RNF175: variants seen among roughly 807,000 people sequenced by gnomAD.
RNF175 encodes the protein ring finger protein 175.
Under a neutral mutation model 50.0 loss-of-function variants are expected in RNF175, and 38 were observed. The observed-to-expected ratio is 0.76, with a 90% CI of 0.59 to 1.00. The LOEUF (loss-of-function observed/expected upper bound fraction) is 1.00. RNF175 is among the 50% of genes least tolerant of loss of function. The pLI is 0.00. For missense variants in RNF175, 388 were observed against 409.6 expected (o/e 0.95, Z 0.46); for synonymous variants, 155 against 146.1 (o/e 1.06, Z -0.44).
intron 1 of RNF175, among the ~76,000 whole-genome samples, chr4:153,759,035 C>T (rs1465998150): frequency 6.6e-6 from 1 of 152,158 alleles, no homozygotes; most frequent in Non-Finnish European, 1.5e-5. Context: ...GTTATCTTTG[C>T]CCTTAAGAGT....
chr4:153,752,303 C>T (rs1395426030), intron 1 of RNF175, among the ~76,000 whole-genome samples: 1 of 152,174 alleles, frequency 6.6e-6, no homozygotes, highest in Non-Finnish European at 1.5e-5. Context: ...GAGACTCATG[C>T]ACCTTGACTA....
At chr4:153,723,802 T>A (rs1294461233) in intron 4 of RNF175, among the ~76,000 whole-genome samples, 1 of 152,160 alleles carries the variant, frequency 6.6e-6, no homozygotes, top group Non-Finnish European at 1.5e-5. Flanking sequence ...GGTCCTAGGG[T>A]TAACCTTGAG....
At chr4:153,739,571 A>G (rs1261889700) in intron 3 of RNF175, among the ~76,000 whole-genome samples, 4 of 152,244 alleles carry the variant, frequency 2.6e-5, no homozygotes, top group East Asian at 1.9e-4. Context: ...CACTTCTTAC[A>G]GGTCAGAACT....
Position 153,710,450 on chromosome 4 carries a change from A to G in RNF175, c.906T>C (p.Asp302=). ...GCCAGGCCACCAAATAACGAAGCCA[A>G]TCCAGGATTTGTCCATACAGAAAAT... ...RTHFLYGQIL[D]WLRYLVAWQP... The change falls in exon 9 of 9, where the codon GAT becomes GAC. Residue 302 remains aspartate, a synonymous_variant. Transcript: ENST00000347063. The G allele has an allele frequency of 1.9e-6, 3 of 1,603,982 alleles. No homozygotes were observed. Among genetic ancestry groups the G allele is most frequent in the Non-Finnish European group, 2.6e-6 (3 of 1,174,906 alleles).
chr4:153,742,704 A>C (rs567450439), intron 3 of RNF175, among the ~76,000 whole-genome samples: 3 of 152,278 alleles, frequency 2.0e-5, no homozygotes, highest in Admixed American at 2.0e-4. Context: ...ACTATATTTC[A>C]CAAAGGGGAT....
intron 3 of RNF175, among the ~76,000 whole-genome samples, chr4:153,742,749 T>G (rs1211306110): frequency 6.6e-6 from 1 of 151,676 alleles, no homozygotes; most frequent in African/African-American, 2.4e-5. Context: ...CCTGAGGTAA[T>G]GTACAGAAAG....
At chr4:153,754,883 A>T (rs1488407509) in intron 1 of RNF175, among the ~76,000 whole-genome samples, 1 of 152,174 alleles carries the variant, frequency 6.6e-6, no homozygotes, top group East Asian at 1.9e-4. Flanking sequence ...AGGGAGCATG[A>T]CCCTGTTGAC....
chr4:153,734,665 CTTTTTTTTTTTT>C (rs56211482), intron 3 of RNF175, among the ~76,000 whole-genome samples: 7 of 73,178 alleles, frequency 9.6e-5, no homozygotes, highest in South Asian at 1.1e-3. Flanking sequence ...TTTTTTTATT[CTTTTTTTTTTTT>C]TTTTTTTTTT....
rs149852148 is a variant in RNF175 at position 153,738,344 on chromosome 4, T to C, written c.247-9983A>G. On this transcript the variant is annotated intron_variant, in intron 3 of 8. Coordinates refer to ENST00000347063, the MANE Select transcript of RNF175 (RefSeq NM_173662.4). ...AACTACAGGTGCCTGCCGCTACATC[T>C]GGCTAATTTTTTTTTTTTTTTGGTA... Among the ~76,000 whole-genome samples the C allele has an allele frequency of 2.8e-4, 40 of 145,184 alleles. No individual in the cohort carries two copies. In the East Asian group the frequency reaches 7.8e-3, roughly 28 times the overall value.
At chr4:153,730,260 C>T (rs1301615952) in intron 3 of RNF175, among the ~76,000 whole-genome samples, 2 of 152,050 alleles carry the variant, frequency 1.3e-5, no homozygotes, top group Non-Finnish European at 2.9e-5. Context: ...GCCTGGGCAA[C>T]ATGGCCAAAC....
rs564615120 is a variant in RNF175, at chr4:153,710,233, T to C, written c.*136A>G. The C allele has an allele frequency of 1.6e-6, 1 of 631,862 alleles. No individual in the cohort carries two copies. Among genetic ancestry groups the C allele is most frequent in the East Asian group, 2.9e-5 (1 of 34,630 alleles). The allele number at this position is 631,862 out of a possible 1,614,324, so 39.1% of individuals were successfully genotyped here. A position where few individuals can be genotyped will look rare whatever the true frequency, so the allele number is the denominator to read the frequency against. ...AGCTTCTCTTTAAATTCTTTCCACA[T>C]GGACAAATTGCTTGACAACAAAGTT... On this transcript the variant is annotated 3_prime_UTR_variant, in exon 9 of 9. Transcript: ENST00000347063.
intron 3 of RNF175, chr4:153,729,658 C>A: frequency 1.0e-6 from 1 of 984,864 alleles, no homozygotes; most frequent in Non-Finnish European, 1.2e-6. Context: ...GATAAGAAGA[C>A]ATTTCCCAGG....
chr4:153,755,374 G>A (rs1239261190), intron 1 of RNF175, among the ~76,000 whole-genome samples: 1 of 152,238 alleles, frequency 6.6e-6, no homozygotes, highest in African/African-American at 2.4e-5. Context: ...GTGCTGTACT[G>A]TCTCACCTCA....
At chr4:153,749,378 C>A (rs1405967072) in intron 2 of RNF175, among the ~76,000 whole-genome samples, 4 of 152,186 alleles carry the variant, frequency 2.6e-5, no homozygotes, top group Non-Finnish European at 4.4e-5. Flanking sequence ...AATTTTAAAT[C>A]ATTTGCTACT....
chr4:153,747,498 GCCGTTACTCCAGCTT>G (rs1740037111), intron 3 of RNF175, among the ~76,000 whole-genome samples: 1 of 152,176 alleles, frequency 6.6e-6, no homozygotes, highest in Non-Finnish European at 1.5e-5. Context: ...AATGAGGATG[GCCGTTACTCCAGCTT>G]CCGATACCTT....
intron 1 of RNF175, among the ~76,000 whole-genome samples, chr4:153,753,850 T>A (rs1560798394): frequency 1.3e-5 from 2 of 151,012 alleles, no homozygotes; most frequent in Non-Finnish European, 3.0e-5. Flanking sequence ...TGAGCCACTG[T>A]GCCTGGTGTC....
At position 153,759,851 on chromosome 4, in the gene RNF175, C is replaced by A. The variant is rs1428893946; in HGVS notation, c.12G>T (p.Gly4=). 3 of 1,458,656 alleles carry A rather than the reference C, an allele frequency of 2.1e-6. No homozygotes were observed. Among genetic ancestry groups the A allele is most frequent in the Admixed American group, 2.5e-5 (1 of 39,974 alleles). 90.4% of individuals were successfully genotyped at this position (1,458,656 alleles called of 1,614,324 possible). The change falls in exon 1 of 9, where the codon GGG becomes GGT. Residue 4 remains glycine (G), a synonymous_variant. Transcript: ENST00000347063. Reference sequence around the variant, plus strand: ...CCGGCGCTGCCTTCCGCGCCGCCGTCCCCGCGGCCATGCCTGAGCCACTGT... The same window carrying A: ...CCGGCGCTGCCTTCCGCGCCGCCGTACCCGCGGCCATGCCTGAGCCACTGT... The part of the protein sequence containing the change: MAA[G]TAARKAAPVL...
intron 4 of RNF175, 137 bp downstream of exon 4, chr4:153,728,069 GT>G: frequency 2.0e-6 from 1 of 506,414 alleles, no homozygotes; most frequent in Non-Finnish European, 3.3e-6. Flanking sequence ...TTTCTCAATT[GT>G]TTTGCTACCA....
intron 8 of RNF175, among the ~76,000 whole-genome samples, chr4:153,711,613 A>G (rs565397309): frequency 6.6e-6 from 1 of 152,360 alleles, no homozygotes; most frequent in East Asian, 1.9e-4. Context: ...AAGTACAGAA[A>G]GGCTGTCTCT....
Sources: gnomAD v4.1 joint callset for allele counts (sites outside exome capture counted in the v4.1 genomes callset) on GRCh38, gnomAD v4.1.1 for gene constraint, MANE v1.5 for transcripts, NCBI Gene and HGNC (gene_info 2026-07-23, HGNC 2026-07-21) for gene names.